The following RPTOR variants were observed in gnomAD, a reference collection of about 807,000 sequenced individuals.
The protein encoded by RPTOR is regulatory associated protein of MTOR complex 1, also known as regulatory-associated protein of mTOR.
In RPTOR, 21 loss-of-function variants were observed where a neutral mutation model predicts 169.9. The observed-to-expected ratio is 0.12, with a 90% CI of 0.09 to 0.18. The LOEUF (loss-of-function observed/expected upper bound fraction) is 0.18, where lower values mean the gene tolerates loss of function less well. RPTOR is among the 10% of genes least tolerant of loss of function. The pLI, the probability that RPTOR is intolerant of heterozygous loss-of-function variation, is 1.00. For synonymous variants in RPTOR, 732 were observed against 753.2 expected (o/e 0.97, Z 0.46); for missense variants, 1,133 against 1,855.9 (o/e 0.61, Z 7.16).
At chr17:80,864,849 T>C (rs1486211225) in intron 13 of RPTOR, among the ~76,000 whole-genome samples, 1 of 152,248 alleles carries the variant, frequency 6.6e-6, no homozygotes, top group Non-Finnish European at 1.5e-5. Context: ...CTCTTAATTT[T>C]TTTTCCTTAC....
rs947405467 is a variant in RPTOR at position 80,609,011 on chromosome 17, G to C, written c.163-16680G>C. 4.6e-5 allele frequency among the ~76,000 whole-genome samples: 7 copies of C among 152,212 alleles called. No individual in the cohort carries two copies. Among genetic ancestry groups the C allele is most frequent in the African/African-American group, 1.7e-4 (7 of 41,456 alleles). On this transcript the variant is annotated intron_variant, in intron 1 of 33. Transcript: ENST00000306801. The surrounding 1 kb of genome is among the most constrained non-coding windows in gnomAD (Gnocchi z 4.8). Reference sequence around the variant, plus strand: ...GTGTTACAATGACAAGAAGAAGTCAGAGTGGGCAGGAGGCACTAGGCCAGG... The same window carrying C: ...GTGTTACAATGACAAGAAGAAGTCACAGTGGGCAGGAGGCACTAGGCCAGG...
chr17:80,838,086 T>A (rs2067585056), intron 10 of RPTOR, 89 bp downstream of exon 10: 3 of 1,075,034 alleles, frequency 2.8e-6, no homozygotes, highest in Non-Finnish European at 4.1e-6. Context: ...CTGGGGGTGG[T>A]GCCCAGGACT....
chr17:80,744,379 CCCTGGTTACGAGCACTGT>C (rs1254125757), intron 5 of RPTOR, among the ~76,000 whole-genome samples: 2 of 68,438 alleles, frequency 2.9e-5, no homozygotes, highest in African/African-American at 7.2e-5. Flanking sequence ...ACGAGCACAG[CCCTGGTTACGAGCACTGT>C]CCTGGCTACT....
intron 17 of RPTOR, among the ~76,000 whole-genome samples, chr17:80,890,429 G>A (rs1414091604): frequency 6.6e-6 from 1 of 152,212 alleles, no homozygotes; most frequent in African/African-American, 2.4e-5. Flanking sequence ...GTTTGCCAGG[G>A]GAGCCTGGGA....
At chr17:80,812,083 T>G (rs1291895188) in intron 7 of RPTOR, among the ~76,000 whole-genome samples, 1 of 152,274 alleles carries the variant, frequency 6.6e-6, no homozygotes, top group East Asian at 1.9e-4. Context: ...CTCCAGGTGC[T>G]GGGATTACAG....
chr17:80,604,822 C>G (rs531915280), intron 1 of RPTOR, among the ~76,000 whole-genome samples: 1 of 152,152 alleles, frequency 6.6e-6, no homozygotes, highest in Admixed American at 6.5e-5. Flanking sequence ...AAGATCCATC[C>G]GCGCGATTCA....
At chr17:80,663,171 A>G (rs1342997735) in intron 3 of RPTOR, among the ~76,000 whole-genome samples, 1 of 152,170 alleles carries the variant, frequency 6.6e-6, no homozygotes, top group African/African-American at 2.4e-5. Flanking sequence ...GAGCCTGCAC[A>G]TCCACGCAGG....
At chr17:80,634,731 G>A (rs866850484) in intron 2 of RPTOR, among the ~76,000 whole-genome samples, 43 of 80,742 alleles carry the variant, frequency 5.3e-4, no homozygotes, top group African/African-American at 1.5e-3. Context: ...GTGTGTGTGC[G>A]TACTGTGTGT....
At chr17:80,929,114 T>A (rs967557162) in intron 24 of RPTOR, among the ~76,000 whole-genome samples, 2 of 152,212 alleles carry the variant, frequency 1.3e-5, no homozygotes, top group African/African-American at 2.4e-5. Flanking sequence ...AAGAATCACT[T>A]AGTAGGAGAG....
At chr17:80,898,924 A>G (rs1387509437) in intron 20 of RPTOR, among the ~76,000 whole-genome samples, 2 of 151,964 alleles carry the variant, frequency 1.3e-5, no homozygotes, top group African/African-American at 4.8e-5. Context: ...GGCATCCGCC[A>G]AGGCAGTTCC....
intron 20 of RPTOR, among the ~76,000 whole-genome samples, chr17:80,896,810 T>C (rs1332560995): frequency 1.3e-5 from 2 of 152,244 alleles, no homozygotes; most frequent in Non-Finnish European, 2.9e-5. Flanking sequence ...GTCTTCCTGC[T>C]CCTGAACAGG....
At chr17:80,908,956 C>A in intron 21 of RPTOR, 27 bp downstream of exon 21, 1 of 1,500,620 alleles carries the variant, frequency 6.7e-7, no homozygotes, top group Non-Finnish European at 9.3e-7. Flanking sequence ...CCCCACCGCG[C>A]TCCAGCTGCT....
intron 28 of RPTOR, among the ~76,000 whole-genome samples, chr17:80,956,273 T>G (rs2069247618): frequency 6.6e-6 from 1 of 151,988 alleles, no homozygotes; most frequent in Non-Finnish European, 1.5e-5. Context: ...AAGTTAGAGC[T>G]GAGTGGTGGG....
chr17:80,548,015 CA>C (rs1411038992), intron 1 of RPTOR, among the ~76,000 whole-genome samples: 1 of 151,638 alleles, frequency 6.6e-6, no homozygotes, highest in East Asian at 1.9e-4. Flanking sequence ...GATTTATTAC[CA>C]AACACACTGT....
intron 13 of RPTOR, 127 bp downstream of exon 13, chr17:80,858,027 T>G: frequency 1.3e-6 from 1 of 756,950 alleles, no homozygotes; most frequent in Non-Finnish European, 2.2e-6. Context: ...GCCGTTCCCT[T>G]CCTCTCTTCT....
chr17:80,593,147 G>A (rs1054887523), intron 1 of RPTOR: 1 of 152,672 alleles, frequency 6.5e-6, no homozygotes, highest in African/African-American at 2.4e-5. Context: ...GAAAGAATAA[G>A]AGACAGGATG....
chr17:80,915,097 C>G (rs933757489), intron 21 of RPTOR, among the ~76,000 whole-genome samples: 33 of 152,176 alleles, frequency 2.2e-4, no homozygotes, highest in African/African-American at 7.5e-4. Flanking sequence ...CTGCTGAGAG[C>G]TGAGCAGACG....
intron 7 of RPTOR, among the ~76,000 whole-genome samples, chr17:80,807,208 CAG>C (rs1474237661): frequency 6.6e-6 from 1 of 152,166 alleles, no homozygotes; most frequent in Non-Finnish European, 1.5e-5. Flanking sequence ...AAAATAGAGA[CAG>C]AACATTTTTG....
intron 7 of RPTOR, among the ~76,000 whole-genome samples, chr17:80,794,590 A>T (rs1250679576): frequency 6.6e-6 from 1 of 152,180 alleles, no homozygotes; most frequent in African/African-American, 2.4e-5. Context: ...AAATCTTAGG[A>T]TCACACAAAA....
Sources: allele counts gnomAD v4.1 joint callset (sites outside exome capture counted in the v4.1 genomes callset), GRCh38; gene constraint gnomAD v4.1.1; non-coding constraint Gnocchi (gnomAD v3.1); transcripts MANE v1.5; gene names NCBI Gene and HGNC (gene_info 2026-07-23, HGNC 2026-07-21).